Variants in LRP12 observed in about 807,000 individuals in gnomAD.
The protein encoded by LRP12 is low-density lipoprotein receptor-related protein 12.
LRP12 carries 14 observed loss-of-function variants against 66.0 expected under a neutral mutation model. That is an observed-to-expected ratio of 0.21 (90% confidence interval 0.14 to 0.33). The LOEUF is 0.33. LRP12 is among the 10% of genes least tolerant of loss of function. The pLI is 1.00. For synonymous variants in LRP12, 357 were observed against 359.1 expected, an observed-to-expected ratio of 0.99 and a Z score of 0.07; for missense variants, 889 against 1,053.4, an observed-to-expected ratio of 0.84 and a Z score of 2.16.
At chr8:104,514,379 G>A (rs1411528453) in intron 2 of LRP12, among the ~76,000 whole-genome samples, 2 of 151,810 alleles carry the variant, frequency 1.3e-5, no homozygotes, top group Admixed American at 6.6e-5. Flanking sequence ...TAGATTTGAG[G>A]TGGCTTATTA....
chr8:104,532,037 A>G, intron 1 of LRP12, 74 bp from the exon 2 acceptor site: 1 of 879,442 alleles, frequency 1.1e-6, no homozygotes, highest in South Asian at 1.6e-5. Context: ...TCCCTTTAAA[A>G]GAGAAACAAC....
chr8:104,553,264 T>G (rs868046627), intron 1 of LRP12, among the ~76,000 whole-genome samples: 1 of 152,108 alleles, frequency 6.6e-6, no homozygotes, highest in East Asian at 1.9e-4. Context: ...TGCAGATACA[T>G]GCACAGAAGT....
rs563452381 is a variant in LRP12 at position 104,495,627 on chromosome 8, GC to G, written c.1581-419del. On this transcript the variant is annotated intron_variant, in intron 5 of 6. Coordinates refer to ENST00000276654, the MANE Select transcript of LRP12 (RefSeq NM_013437.5). ...AAAGTTTTCTGGCCATTTACACTTG[GC>G]CAAAGATGCAGTGGTCGGGCGCCGT... The G allele has an allele frequency of 1.4e-3, 209 of 154,396 alleles. 1 individual carries two copies. The highest frequency in any genetic ancestry group is 2.4e-3 in the Non-Finnish European group (170 of 69,578). The allele number at this position is 154,396 out of a possible 1,614,324, so 9.6% of individuals were successfully genotyped here. A position where few individuals can be genotyped will look rare whatever the true frequency, so the allele number is the denominator to read the frequency against.
At chr8:104,561,483 A>G (rs572377866) in intron 1 of LRP12, among the ~76,000 whole-genome samples, 1 of 152,310 alleles carries the variant, frequency 6.6e-6, no homozygotes, top group South Asian at 2.1e-4. Flanking sequence ...GGTTGGCAAA[A>G]TGATATTCTA....
At position 104,588,930 on chromosome 8, in the gene LRP12, C is replaced by CGGA. The variant is rs748442849; in HGVS notation, c.-36_-34dup. 2.6e-6 allele frequency: 4 copies of CGGA among 1,531,784 alleles called. No homozygotes were observed. The highest frequency in any genetic ancestry group is 2.7e-6 in the Non-Finnish European group (3 of 1,123,962). 94.9% of individuals were successfully genotyped at this position (1,531,784 alleles called of 1,614,324 possible). A position where few individuals can be genotyped will look rare whatever the true frequency, so the allele number is the denominator to read the frequency against. On this transcript the variant is annotated 5_prime_UTR_variant, in exon 1 of 7. Transcript: ENST00000276654. ...GCAGATGGAGAGAGAGAGGAGGAGACGGAGGAGGAGGGAGGAGAAGCTGGA... is the reference window on the plus strand; with the variant it reads ...GCAGATGGAGAGAGAGAGGAGGAGACGGAGGAGGAGGAGGGAGGAGAAGCTGGA...
intron 1 of LRP12, chr8:104,566,157 A>G: frequency 1.7e-6 from 1 of 581,172 alleles, no homozygotes. Context: ...AGAGGCTGAG[A>G]ATATTGTACA....
chr8:104,511,480 G>T (rs532004669), intron 2 of LRP12, among the ~76,000 whole-genome samples: 5 of 152,148 alleles, frequency 3.3e-5, no homozygotes, highest in Middle Eastern at 3.4e-3. Context: ...TTCCTGAGTA[G>T]CTGGGACTAC....
intron 1 of LRP12, among the ~76,000 whole-genome samples, chr8:104,568,041 C>G (rs778279956): frequency 3.3e-5 from 5 of 152,124 alleles, no homozygotes; most frequent in Admixed American, 1.3e-4. Flanking sequence ...CAAAGCGACA[C>G]TAATGAAGAC....
At chr8:104,540,137 A>G (rs747691029) in intron 1 of LRP12, among the ~76,000 whole-genome samples, 3 of 151,158 alleles carry the variant, frequency 2.0e-5, no homozygotes, top group Non-Finnish European at 4.4e-5. Context: ...GTGTCCTCTT[A>G]TAAGAAGAGG....
At chr8:104,588,793 C>T in intron 1 of LRP12, 26 bp downstream of exon 1, 2 of 1,606,650 alleles carry the variant, frequency 1.2e-6, no homozygotes, top group Non-Finnish European at 1.7e-6. Flanking sequence ...GTTCGGTCAG[C>T]GGGGCGCGGG....
intron 3 of LRP12, among the ~76,000 whole-genome samples, chr8:104,500,973 T>A (rs1177060884): frequency 1.3e-5 from 2 of 152,214 alleles, no homozygotes; most frequent in Admixed American, 1.3e-4. Flanking sequence ...GCCAATTAGG[T>A]AGACAAAAGA....
chr8:104,569,458 A>G (rs553688870), intron 1 of LRP12, among the ~76,000 whole-genome samples: 1 of 152,262 alleles, frequency 6.6e-6, no homozygotes, highest in Non-Finnish European at 1.5e-5. Context: ...CACTACAACC[A>G]AGTGGTTTAT....
chr8:104,583,320 C>G (rs1812284650), intron 1 of LRP12, among the ~76,000 whole-genome samples: 1 of 152,152 alleles, frequency 6.6e-6, no homozygotes, highest in Non-Finnish European at 1.5e-5. Flanking sequence ...CCATTATGTT[C>G]CAGTTACAGT....
chr8:104,560,698 A>G (rs1352509901), intron 1 of LRP12, among the ~76,000 whole-genome samples: 3 of 152,200 alleles, frequency 2.0e-5, no homozygotes, highest in Non-Finnish European at 2.9e-5. Context: ...CTATAATGCT[A>G]CTACTTAAAA....
chr8:104,554,090 G>C (rs1035899381), intron 1 of LRP12, among the ~76,000 whole-genome samples: 1 of 152,150 alleles, frequency 6.6e-6, no homozygotes, highest in Non-Finnish European at 1.5e-5. Context: ...ACCACATCAA[G>C]GGAGCAACCC....
rs1443796848 is a variant in LRP12, at chr8:104,490,513, T to C, written c.*160A>G. On this transcript the variant is annotated 3_prime_UTR_variant, in exon 7 of 7. Transcript: ENST00000276654. ...AATAGTAAACTCTAAGTTCATAGAG[T>C]TACAAGTTGTCGAATTTAACCATGC... 1 of 724,182 alleles carries C rather than the reference T, an allele frequency of 1.4e-6. No homozygotes were observed. Among genetic ancestry groups the C allele is most frequent in the African/African-American group, 1.8e-5 (1 of 55,878 alleles). The allele number at this position is 724,182 out of a possible 1,614,324, so 44.9% of individuals were successfully genotyped here.
At chr8:104,548,309 TTATATA>T (rs1811651520) in intron 1 of LRP12, among the ~76,000 whole-genome samples, 2 of 41,908 alleles carry the variant, frequency 4.8e-5, no homozygotes, top group African/African-American at 2.8e-4. Flanking sequence ...ATAATATATA[TTATATA>T]AATATATAAT....
intron 2 of LRP12, among the ~76,000 whole-genome samples, chr8:104,520,444 A>T (rs755987247): frequency 1.3e-5 from 2 of 152,054 alleles, no homozygotes; most frequent in Non-Finnish European, 2.9e-5. Context: ...GTAAGGCAGA[A>T]ATCCTCACTT....
At chr8:104,503,011 C>T (rs975486101) in intron 3 of LRP12, among the ~76,000 whole-genome samples, 7 of 152,022 alleles carry the variant, frequency 4.6e-5, no homozygotes, top group Non-Finnish European at 8.8e-5. Flanking sequence ...AAGGTGAAAC[C>T]CTATCTCTAC....
Sources: gnomAD v4.1 joint callset for allele counts (sites outside exome capture counted in the v4.1 genomes callset) on GRCh38, gnomAD v4.1.1 for gene constraint, MANE v1.5 for transcripts, NCBI Gene and HGNC (gene_info 2026-07-23, HGNC 2026-07-21) for gene names.